The following SLC27A6 variants were observed in gnomAD, a reference collection of about 807,000 sequenced individuals.
The protein encoded by SLC27A6 is long-chain fatty acid transport protein 6.
A neutral mutation model predicts 63.9 loss-of-function variants in SLC27A6; 74 were observed. That is an observed-to-expected ratio of 1.16 (90% CI 0.96 to 1.40). The LOEUF (loss-of-function observed/expected upper bound fraction) is 1.40, where lower values mean the gene tolerates loss of function less well. Ranked by LOEUF, SLC27A6 falls within the 40% of genes most tolerant of loss-of-function variation. The pLI, the probability that SLC27A6 is intolerant of heterozygous loss-of-function variation, is 0.00. For synonymous variants in SLC27A6, 287 were observed against 260.8 expected (o/e 1.10, Z -0.97); for missense variants, 794 against 732.9 (o/e 1.08, Z -0.96).
rs57127883 is a variant in SLC27A6, at chr5:128,982,653, C to T, written c.482-2480C>T. On this transcript the variant is annotated intron_variant, in intron 1 of 9. Coordinates refer to ENST00000262462, the MANE Select transcript of SLC27A6 (RefSeq NM_001017372.3). The stretch of plus-strand genomic sequence containing the variant: ...AGAGTCATTACAACAAAATCTGGAA[C>T]AAACATTAAAAAGAAAGTCTAGATC... Among the ~76,000 whole-genome samples, 1,031 of 152,256 alleles carry T rather than the reference C, an allele frequency of 6.8e-3. 14 individuals are homozygous for T. The highest frequency in any genetic ancestry group is 0.023 in the African/African-American group (976 of 41,552).
At chr5:129,006,071 G>GTTTTTTTTTTTTGTTTTTTTTTTTTT (rs1751514544) in intron 4 of SLC27A6, among the ~76,000 whole-genome samples, 1 of 60,144 alleles carries the variant, frequency 1.7e-5, no homozygotes, top group Non-Finnish European at 2.7e-5. Context: ...TGTGCACACT[G>GTTTTTTTTTTTTGTTTTTTTTTTTTT]TTTTTTTTTT....
intron 4 of SLC27A6, among the ~76,000 whole-genome samples, chr5:129,010,945 G>C (rs1751706278): frequency 6.6e-6 from 1 of 152,184 alleles, no homozygotes; most frequent in Non-Finnish European, 1.5e-5. Context: ...ACTTGACATT[G>C]TTTGAAGGGC....
At position 128,979,810 on chromosome 5, in the gene SLC27A6, A is replaced by T. The variant is rs1242123346; in HGVS notation, c.482-5323A>T. Among the ~76,000 whole-genome samples the T allele has an allele frequency of 2.0e-5, 3 of 152,218 alleles. No homozygotes were observed. The East Asian group carries it at 5.8e-4, about 29-fold the overall frequency. On this transcript the variant is annotated intron_variant, in intron 1 of 9. Transcript: ENST00000262462. ...ACTGAGAGTGAAAACACATAAACCC[A>T]CTTAGAAACTTGTGTGCATATATTC...
Position 128,966,004 on chromosome 5 carries a change from G to A in SLC27A6, c.-134G>A. 9.2e-7 allele frequency: 1 copy of A among 1,087,052 alleles called. No individual in the cohort carries two copies. Among genetic ancestry groups the A allele is most frequent in the Non-Finnish European group, 1.2e-6 (1 of 802,720 alleles). 67.3% of individuals were successfully genotyped at this position (1,087,052 alleles called of 1,614,324 possible). On this transcript the variant is annotated 5_prime_UTR_variant, in exon 1 of 10. Transcript: ENST00000262462. ...ATTCCTCCCCATCCCGCTTCGCCCCGGAAAAGCTGACAAGAACTTCAGGTG... is the reference window on the plus strand; with the variant it reads ...ATTCCTCCCCATCCCGCTTCGCCCCAGAAAAGCTGACAAGAACTTCAGGTG...
intron 7 of SLC27A6, among the ~76,000 whole-genome samples, chr5:129,027,785 A>T (rs888994463): frequency 6.6e-5 from 10 of 152,106 alleles, no homozygotes; most frequent in African/African-American, 2.4e-4. Flanking sequence ...TTGAATGAAT[A>T]AGTAACTTCC....
chr5:129,009,651 C>G (rs1457721176), intron 4 of SLC27A6, among the ~76,000 whole-genome samples: 1 of 148,086 alleles, frequency 6.8e-6, no homozygotes, highest in Admixed American at 6.9e-5. Flanking sequence ...CTCAAACTCC[C>G]CATCATAGCT....
intron 7 of SLC27A6, among the ~76,000 whole-genome samples, chr5:129,027,912 A>AT (rs1443518591): frequency 7.2e-5 from 11 of 152,172 alleles, no homozygotes; most frequent in African/African-American, 2.4e-4. Flanking sequence ...ACACCTAGAA[A>AT]TTTAAGTGGG....
At chr5:129,007,128 A>G (rs1175584198) in intron 4 of SLC27A6, among the ~76,000 whole-genome samples, 2 of 152,126 alleles carry the variant, frequency 1.3e-5, no homozygotes, top group Middle Eastern at 3.2e-3. Context: ...TATTAATAAG[A>G]GCAGAGAATG....
At chr5:129,012,697 A>G (rs1247961418) in intron 4 of SLC27A6, among the ~76,000 whole-genome samples, 1 of 152,010 alleles carries the variant, frequency 6.6e-6, no homozygotes, top group Non-Finnish European at 1.5e-5. Context: ...ATCCCTCTTT[A>G]TCTCCAGAAA....
At chr5:128,974,106 ATTCG>A (rs1750289979) in intron 1 of SLC27A6, among the ~76,000 whole-genome samples, 1 of 152,182 alleles carries the variant, frequency 6.6e-6, no homozygotes, top group African/African-American at 2.4e-5. Flanking sequence ...TTCCTGAGAG[ATTCG>A]TCTTAAAGTA....
At chr5:129,027,377 C>A in intron 7 of SLC27A6, 46 bp downstream of exon 7, 1 of 1,438,056 alleles carries the variant, frequency 7.0e-7, no homozygotes, top group South Asian at 1.2e-5. Context: ...AATTGTGAAC[C>A]ATGCTTCTAT....
chr5:129,026,545 A>G (rs1752251732), intron 6 of SLC27A6, among the ~76,000 whole-genome samples: 1 of 152,134 alleles, frequency 6.6e-6, no homozygotes, highest in Non-Finnish European at 1.5e-5. Flanking sequence ...ATAGTATTAT[A>G]CAGAAACCTT....
chr5:128,998,836 C>G (rs1375230316), intron 4 of SLC27A6, among the ~76,000 whole-genome samples: 1 of 152,144 alleles, frequency 6.6e-6, no homozygotes, highest in Non-Finnish European at 1.5e-5. Context: ...GAGGGCTTAT[C>G]AGGAAATACA....
At chr5:129,011,946 T>C (rs1192901733) in intron 4 of SLC27A6, among the ~76,000 whole-genome samples, 3 of 152,038 alleles carry the variant, frequency 2.0e-5, no homozygotes, top group African/African-American at 7.2e-5. Context: ...GCCACACAAA[T>C]ACCCTTGAAA....
intron 1 of SLC27A6, among the ~76,000 whole-genome samples, chr5:128,977,214 T>C (rs1750421022): frequency 6.6e-6 from 1 of 152,254 alleles, no homozygotes. Flanking sequence ...TAAATACTTG[T>C]TGAATATCTC....
intron 2 of SLC27A6, among the ~76,000 whole-genome samples, chr5:128,987,482 T>C (rs1016624372): frequency 2.0e-5 from 3 of 152,042 alleles, no homozygotes; most frequent in Admixed American, 1.3e-4. Context: ...CTAGATTAGA[T>C]TGAGACCAAT....
chr5:128,967,047 G>C (rs1006258609), intron 1 of SLC27A6, among the ~76,000 whole-genome samples: 1 of 152,154 alleles, frequency 6.6e-6, no homozygotes, highest in African/African-American at 2.4e-5. Flanking sequence ...TTAAAGGAAG[G>C]TACCTGAATT....
At chr5:128,971,663 C>T (rs111377641) in intron 1 of SLC27A6, among the ~76,000 whole-genome samples, 107 of 151,954 alleles carry the variant, frequency 7.0e-4, no homozygotes, top group Admixed American at 1.9e-3. Flanking sequence ...TGTCTCTGCA[C>T]GTGAGATGGG....
At chr5:128,979,874 CA>C (rs1750525052) in intron 1 of SLC27A6, among the ~76,000 whole-genome samples, 1 of 152,106 alleles carries the variant, frequency 6.6e-6, no homozygotes, top group Admixed American at 6.6e-5. Context: ...TATGTTATTG[CA>C]ATAGAAAGAC....
Sources: allele counts gnomAD v4.1 joint callset (sites outside exome capture counted in the v4.1 genomes callset), GRCh38; gene constraint gnomAD v4.1.1; transcripts MANE v1.5; gene names NCBI Gene and HGNC (gene_info 2026-07-23, HGNC 2026-07-21).